Variants in MLLT1 observed in about 807,000 individuals in gnomAD.
The protein encoded by MLLT1 is MLLT1 super elongation complex subunit.
Under a neutral mutation model 55.1 loss-of-function variants are expected in MLLT1, and 11 were observed. The ratio of observed to expected loss-of-function variants is 0.20; its 90% CI spans 0.13 to 0.33. MLLT1 has a LOEUF of 0.33. Among genes scored for constraint, MLLT1 ranks in the 10% least tolerant of loss-of-function variants. The pLI, the probability that MLLT1 is intolerant of heterozygous loss-of-function variation, is 1.00. For missense variants in MLLT1, 536 were observed against 760.6 expected (o/e 0.70, Z 3.47); for synonymous variants, 323 against 320.1 (o/e 1.01, Z -0.10).
intron 2 of MLLT1, among the ~76,000 whole-genome samples, chr19:6,267,543 A>G (rs1193721900): frequency 2.6e-5 from 4 of 152,196 alleles, no homozygotes. Flanking sequence ...AGCAAGCTAA[A>G]ATAGGGCCAA....
chr19:6,248,137 C>G (rs1265891133), intron 3 of MLLT1, among the ~76,000 whole-genome samples: 1 of 152,156 alleles, frequency 6.6e-6, no homozygotes, highest in Non-Finnish European at 1.5e-5. Flanking sequence ...ATTCACTCGC[C>G]TTCGCCTCCC....
Position 6,279,799 on chromosome 19 carries a change from C to T in MLLT1, c.-15G>A, listed in dbSNP as rs1428365146. 5 of 151,040 alleles carry T rather than the reference C, an allele frequency of 3.3e-5. No homozygotes were observed. The South Asian group carries it at 8.8e-4, about 26-fold the overall frequency. The allele number at this position is 151,040 out of a possible 1,614,324, so 9.4% of individuals were successfully genotyped here. The stretch of plus-strand genomic sequence containing the variant: ...TGATTGTCCATGGCTGGCGCCCCGC[C>T]CCGCCCCCGGGCCCCGCGTCGCTCG... On this transcript the variant is annotated 5_prime_UTR_variant, in exon 1 of 12. Transcript: ENST00000252674.
At chr19:6,250,792 G>A (rs1020131679) in intron 3 of MLLT1, among the ~76,000 whole-genome samples, 2 of 152,156 alleles carry the variant, frequency 1.3e-5, no homozygotes, top group African/African-American at 4.8e-5. Context: ...TACACGCACA[G>A]CCATGTTCAA....
intron 3 of MLLT1, among the ~76,000 whole-genome samples, chr19:6,261,832 G>A (rs1261016112): frequency 3.3e-5 from 5 of 152,138 alleles, no homozygotes; most frequent in Admixed American, 2.0e-4. Context: ...AAGACGCATC[G>A]TAATCGGACT....
At position 6,262,736 on chromosome 19, in the gene MLLT1, G is replaced by T. The variant is rs1031879545; in HGVS notation, c.194-426C>A. 6.6e-6 allele frequency among the ~76,000 whole-genome samples: 1 copy of T among 152,100 alleles called. No individual in the cohort carries two copies. The highest frequency in any genetic ancestry group is 6.5e-5 in the Admixed American group (1 of 15,270). Reference sequence around the variant, plus strand: ...ACTCTACTGTCACCACCTCCAGCACGGGGGCTGAGCACCTGCTGCACCACG... The same window carrying T: ...ACTCTACTGTCACCACCTCCAGCACTGGGGCTGAGCACCTGCTGCACCACG... On this transcript the variant is annotated intron_variant, in intron 2 of 11. Coordinates refer to ENST00000252674, the MANE Select transcript of MLLT1 (RefSeq NM_005934.4). The surrounding 1 kb of genome is among the most constrained non-coding windows in gnomAD (Gnocchi z 4.4).
At chr19:6,221,636 T>C (rs553075030) in intron 6 of MLLT1, among the ~76,000 whole-genome samples, 1 of 152,332 alleles carries the variant, frequency 6.6e-6, no homozygotes, top group Non-Finnish European at 1.5e-5. Context: ...CACGGACCTG[T>C]TGCTCCTCAT....
rs2144870348 is a variant in MLLT1, at chr19:6,227,248, C to T, written c.421-146G>A. On this transcript the variant is annotated intron_variant, in intron 4 of 11. Coordinates refer to ENST00000252674, the MANE Select transcript of MLLT1 (RefSeq NM_005934.4). This position sits in a 1 kb window ranked among gnomAD's most constrained non-coding sequence, Gnocchi z 5.1. Reference sequence around the variant, plus strand: ...TCCCGAAAGAATCCCAGGTGCTTCCCTGCTGGGGACTGGGTGCTGAGCACG... The same window carrying T: ...TCCCGAAAGAATCCCAGGTGCTTCCTTGCTGGGGACTGGGTGCTGAGCACG... 2 of 781,882 alleles carry T rather than the reference C, an allele frequency of 2.6e-6. No homozygotes were observed. The highest frequency in any genetic ancestry group is 6.4e-5 in the East Asian group (2 of 31,434). 48.4% of individuals were successfully genotyped at this position (781,882 alleles called of 1,614,324 possible).
Position 6,262,620 on chromosome 19 carries a change from C to A in MLLT1, c.194-310G>T, listed in dbSNP as rs1490642007. 6.6e-6 allele frequency among the ~76,000 whole-genome samples: 1 copy of A among 152,142 alleles called. No individual in the cohort carries two copies. Among genetic ancestry groups the A allele is most frequent in the African/African-American group, 2.4e-5 (1 of 41,432 alleles). ...CCTGCAGAGGATGAGGAGGCTGAGG[C>A]CAGAGAAGGCTGCACAAGTTTGCCC... On this transcript the variant is annotated intron_variant, in intron 2 of 11. Transcript: ENST00000252674. The surrounding 1 kb of genome is among the most constrained non-coding windows in gnomAD (Gnocchi z 4.4).
chr19:6,224,688 A>G (rs2090936649), intron 5 of MLLT1, among the ~76,000 whole-genome samples: 1 of 152,152 alleles, frequency 6.6e-6, no homozygotes, highest in South Asian at 2.1e-4. Context: ...ACCCGACACC[A>G]CAGGTTCTGA....
intron 1 of MLLT1, among the ~76,000 whole-genome samples, chr19:6,274,886 T>C (rs1023547136): frequency 2.6e-5 from 4 of 152,166 alleles, no homozygotes; most frequent in African/African-American, 9.7e-5. Context: ...CACTGCCCTC[T>C]CTCCAGGCCA....
At chr19:6,261,072 T>G (rs1236589271) in intron 3 of MLLT1, among the ~76,000 whole-genome samples, 1 of 152,082 alleles carries the variant, frequency 6.6e-6, no homozygotes. Flanking sequence ...TCCCCTTCCA[T>G]ACGCTCACCG....
intron 1 of MLLT1, among the ~76,000 whole-genome samples, chr19:6,276,900 A>C (rs1000416381): frequency 2.0e-5 from 3 of 152,222 alleles, no homozygotes; most frequent in Non-Finnish European, 4.4e-5. Context: ...GGGAGCCCAG[A>C]GCACAGTGGG....
chr19:6,237,291 C>G (rs905639178), intron 3 of MLLT1, among the ~76,000 whole-genome samples: 6 of 152,286 alleles, frequency 3.9e-5, no homozygotes, highest in African/African-American at 1.4e-4. Flanking sequence ...GGACACCCAG[C>G]CTTCCCTCCC....
rs200932122 is a variant in MLLT1, at chr19:6,236,173, T to C, written c.277-5460A>G. ...GAGAAGAGGTCTCTAATCTTACGGA[T>C]AGTCAGAGCACAAAGGCGAAACAGC... On this transcript the variant is annotated intron_variant, in intron 3 of 11. Transcript: ENST00000252674. Among the ~76,000 whole-genome samples the C allele has an allele frequency of 2.6e-5, 4 of 152,078 alleles. No individual in the cohort carries two copies. In the East Asian group the frequency reaches 5.8e-4, roughly 22 times the overall value.
chr19:6,241,720 A>G (rs1226670712), intron 3 of MLLT1, among the ~76,000 whole-genome samples: 1 of 152,128 alleles, frequency 6.6e-6, no homozygotes, highest in East Asian at 1.9e-4. Flanking sequence ...TCTAGGAAAC[A>G]CAGATGCATC....
At chr19:6,257,364 C>T (rs1177317681) in intron 3 of MLLT1, among the ~76,000 whole-genome samples, 2 of 149,168 alleles carry the variant, frequency 1.3e-5, no homozygotes, top group Non-Finnish European at 3.0e-5. Context: ...CAGAGTGAGA[C>T]CCTGCTCAAA....
intron 5 of MLLT1, among the ~76,000 whole-genome samples, chr19:6,224,194 C>A (rs1285024570): frequency 6.6e-6 from 1 of 152,258 alleles, no homozygotes; most frequent in Non-Finnish European, 1.5e-5. Flanking sequence ...AAAGCCACAG[C>A]CCACATTCAG....
chr19:6,228,647 T>C (rs530265294), intron 4 of MLLT1, among the ~76,000 whole-genome samples: 1 of 151,808 alleles, frequency 6.6e-6, no homozygotes, highest in African/African-American at 2.4e-5. Context: ...TCCTCCCGGG[T>C]CTCCCAGCAC....
Position 6,222,260 on chromosome 19 carries a change from AAGGAGGAGG to A in MLLT1, c.962_970del (p.Ser321_Ser323del). 1 of 1,609,602 alleles carries A rather than the reference AAGGAGGAGG, an allele frequency of 6.2e-7. No individual in the cohort carries two copies. The highest frequency in any genetic ancestry group is 8.5e-7 in the Non-Finnish European group (1 of 1,177,832). On this transcript the variant is annotated inframe_deletion, in exon 6 of 12. Coordinates refer to ENST00000252674, the MANE Select transcript of MLLT1 (RefSeq NM_005934.4). The surrounding 1 kb of genome is among the most constrained non-coding windows in gnomAD (Gnocchi z 4.1). ...GTCCTTGGCCGGCTTCTTGTCCGAG[AAGGAGGAGG>A]AGGAGGAGGTGCGGGGCGAGGTGCC...
Sources: gnomAD v4.1 joint callset for allele counts (sites outside exome capture counted in the v4.1 genomes callset) on GRCh38, gnomAD v4.1.1 for gene constraint, Gnocchi (gnomAD v3.1) non-coding constraint, MANE v1.5 for transcripts, NCBI Gene and HGNC (gene_info 2026-07-23, HGNC 2026-07-21) for gene names.